Variants in PKHD1 observed in about 807,000 individuals in gnomAD.
PKHD1 encodes PKHD1 ciliary IPT domain containing fibrocystin/polyductin.
Under a neutral mutation model 412.0 loss-of-function variants are expected in PKHD1, and 291 were observed. That is an observed-to-expected ratio of 0.71 (90% CI 0.64 to 0.78). The LOEUF (loss-of-function observed/expected upper bound fraction) is 0.78. Among genes scored for constraint, PKHD1 ranks in the 30% least tolerant of loss-of-function variants. The pLI is 0.00. For synonymous variants in PKHD1, 1,777 were observed against 1,821.5 expected, an observed-to-expected ratio of 0.98 and a Z score of 0.62; for missense variants, 4,825 against 4,950.7, an observed-to-expected ratio of 0.97 and a Z score of 0.76.
At chr6:51,899,366 G>A (rs184426872) in intron 43 of PKHD1, among the ~76,000 whole-genome samples, 5,281 of 151,546 alleles carry the variant, frequency 0.035, 334 homozygotes, top group African/African-American at 0.12. Flanking sequence ...TTCAATATAC[G>A]CAAATCAATA....
At chr6:51,977,495 CAA>C (rs1675859866) in intron 35 of PKHD1, among the ~76,000 whole-genome samples, 1 of 152,192 alleles carries the variant, frequency 6.6e-6, no homozygotes, top group South Asian at 2.1e-4. Context: ...CTCATTCTTT[CAA>C]AGCCAGGTCA....
chr6:51,861,014 T>C (rs1390905040), intron 48 of PKHD1, among the ~76,000 whole-genome samples: 1 of 152,132 alleles, frequency 6.6e-6, no homozygotes, highest in East Asian at 1.9e-4. Flanking sequence ...GGTTTCACCA[T>C]GTTGGCCAGG....
chr6:51,962,196 C>T (rs774041582), intron 35 of PKHD1, among the ~76,000 whole-genome samples: 14 of 152,126 alleles, frequency 9.2e-5, no homozygotes, highest in South Asian at 2.1e-4. Context: ...AGCAGCATAA[C>T]GCTTTCTGAG....
intron 27 of PKHD1, among the ~76,000 whole-genome samples, chr6:52,040,533 C>T (rs1440439551): frequency 6.6e-6 from 1 of 152,082 alleles, no homozygotes; most frequent in East Asian, 1.9e-4. Flanking sequence ...GAGCTGAGGG[C>T]CATTCATATC....
intron 60 of PKHD1, among the ~76,000 whole-genome samples, chr6:51,702,852 A>G (rs1435880431): frequency 1.3e-5 from 2 of 151,304 alleles, no homozygotes; most frequent in East Asian, 3.9e-4. Flanking sequence ...ATTCAAATGT[A>G]CCAAATTTTT....
At position 51,855,946 on chromosome 6, in the gene PKHD1, G is replaced by A. The variant is rs779252924; in HGVS notation, c.7858C>T (p.Gln2620Ter). ...PRGWMALLLD[Q>*]ETYSLQSENL... ...TCAGATTGCAATGAGTAGGTCTCTT[G>A]GTCCAAGAGCAGAGCCATCCAGCCA... is the stretch of plus-strand genomic sequence containing the variant. Residue 2620 changes from glutamine (Q) to a stop codon, truncating the protein, a stop_gained, in exon 49 of 67, where the codon CAA (glutamine) becomes TAA (stop). Coordinates refer to ENST00000371117, the MANE Select transcript of PKHD1 (RefSeq NM_138694.4). LOFTEE classifies it high-confidence loss of function. 1 of 1,613,824 alleles carries A rather than the reference G, an allele frequency of 6.2e-7. No individual in the cohort carries two copies. The highest frequency in any genetic ancestry group is 1.7e-5 in the Admixed American group (1 of 60,018).
At chr6:51,764,206 C>T (rs1788551897) in intron 55 of PKHD1, among the ~76,000 whole-genome samples, 1 of 148,048 alleles carries the variant, frequency 6.8e-6, no homozygotes, top group Admixed American at 7.0e-5. Flanking sequence ...TAAACTCAAA[C>T]AAATTTACAA....
At chr6:51,791,767 G>GA (rs1199091942) in intron 52 of PKHD1, among the ~76,000 whole-genome samples, 1 of 152,182 alleles carries the variant, frequency 6.6e-6, no homozygotes, top group Non-Finnish European at 1.5e-5. Context: ...AGACTATTTG[G>GA]ATGTGAATAC....
At chr6:51,754,454 A>C (rs1392162213) in intron 56 of PKHD1, among the ~76,000 whole-genome samples, 2 of 152,318 alleles carry the variant, frequency 1.3e-5, no homozygotes, top group South Asian at 2.1e-4. Flanking sequence ...AGTGCCCATA[A>C]GTTTTATTCT....
At chr6:52,006,759 T>C (rs1799128703) in intron 35 of PKHD1, among the ~76,000 whole-genome samples, 3 of 152,324 alleles carry the variant, frequency 2.0e-5, no homozygotes, top group Non-Finnish European at 4.4e-5. Context: ...AGTTCTTTAG[T>C]GGTGATTTGT....
intron 60 of PKHD1, among the ~76,000 whole-genome samples, chr6:51,680,380 TCA>T (rs1340896435): frequency 1.3e-5 from 2 of 152,066 alleles, no homozygotes; most frequent in Non-Finnish European, 2.9e-5. Flanking sequence ...AAGGTTATTT[TCA>T]CACTTTTAAA....
chr6:51,640,902 C>A (rs1769260043), intron 63 of PKHD1, among the ~76,000 whole-genome samples: 1 of 152,060 alleles, frequency 6.6e-6, no homozygotes, highest in African/African-American at 2.4e-5. Flanking sequence ...TGCCTTTTCA[C>A]TGAGGAGGGT....
At chr6:51,944,792 T>C (rs1789193043) in intron 36 of PKHD1, among the ~76,000 whole-genome samples, 1 of 152,206 alleles carries the variant, frequency 6.6e-6, no homozygotes, top group Non-Finnish European at 1.5e-5. Flanking sequence ...TCTGTGCAAC[T>C]GGCAGGAAGA....
At chr6:51,714,709 C>T (rs1448570988) in intron 60 of PKHD1, among the ~76,000 whole-genome samples, 1 of 152,106 alleles carries the variant, frequency 6.6e-6, no homozygotes, top group African/African-American at 2.4e-5. Context: ...ATAGAACGTT[C>T]CATCACTGTA....
In PKHD1 at chr6:51,839,564, G is replaced by A. The variant is rs918824893; in HGVS notation, c.8108-3095C>T. Among the ~76,000 whole-genome samples the A allele has an allele frequency of 1.1e-4, 17 of 152,210 alleles. No homozygotes were observed. In the South Asian group the frequency reaches 1.9e-3, roughly 17 times the overall value. ...AGAGTTACTAAAGTAGATGTGATAC[G>A]AGGTCCTACCAGGTTAATGTGTTGT... On this transcript the variant is annotated intron_variant, in intron 50 of 66. Coordinates refer to ENST00000371117, the MANE Select transcript of PKHD1 (RefSeq NM_138694.4).
chr6:51,968,385 C>T (rs1793159449), intron 35 of PKHD1, among the ~76,000 whole-genome samples: 2 of 152,118 alleles, frequency 1.3e-5, no homozygotes, highest in South Asian at 4.1e-4. Context: ...TGGTGGTTCC[C>T]TCCCTTTTCT....
chr6:51,767,844 G>A (rs1305055364), intron 55 of PKHD1, among the ~76,000 whole-genome samples: 1 of 152,120 alleles, frequency 6.6e-6, no homozygotes, highest in Non-Finnish European at 1.5e-5. Context: ...TAATGGGATG[G>A]CTGGATCAAA....
intron 51 of PKHD1, among the ~76,000 whole-genome samples, chr6:51,834,791 T>A (rs1051714042): frequency 6.6e-6 from 1 of 152,156 alleles, no homozygotes; most frequent in Non-Finnish European, 1.5e-5. Flanking sequence ...CCCAACTATA[T>A]GAGGTAGGAA....
Position 51,754,804 on chromosome 6 carries a change from C to T in PKHD1, c.8777G>A (p.Arg2926Gln), listed in dbSNP as rs1270162093. The T allele has an allele frequency of 6.2e-7, 1 of 1,613,556 alleles. No individual in the cohort carries two copies. Among genetic ancestry groups the T allele is most frequent in the Non-Finnish European group, 8.5e-7 (1 of 1,179,614 alleles). ...VKGHHVRIYE[R>Q]LKHRHIGSVH... is the part of the protein sequence containing the mutation. Reference sequence around the variant, plus strand: ...CTTACCAATATGCCGGTGTTTGAGCCGTTCATAGATCCTCACATGGTGGCC... The same window carrying T: ...CTTACCAATATGCCGGTGTTTGAGCTGTTCATAGATCCTCACATGGTGGCC... The change falls in exon 56 of 67, where the codon CGG (arginine) becomes CAG (glutamine). Residue 2926 changes from arginine to glutamine, a missense_variant. Arg to Gln is a conservative substitution (Grantham distance 43). Coordinates refer to ENST00000371117, the MANE Select transcript of PKHD1 (RefSeq NM_138694.4).
Sources: gnomAD v4.1 joint callset for allele counts (sites outside exome capture counted in the v4.1 genomes callset) on GRCh38, gnomAD v4.1.1 for gene constraint, MANE v1.5 for transcripts, NCBI Gene and HGNC (gene_info 2026-07-23, HGNC 2026-07-21) for gene names.